CXCR1: variants seen among roughly 807,000 people sequenced by gnomAD.
The protein encoded by CXCR1 is C-X-C motif chemokine receptor 1.
For missense variants in CXCR1, 419 were observed against 440.5 expected, an observed-to-expected ratio of 0.95 and a Z score of 0.44; for synonymous variants, 180 against 184.7, an observed-to-expected ratio of 0.97 and a Z score of 0.21.
chr2:218,166,198 G>A (rs1478064744), intron 1 of CXCR1, among the ~76,000 whole-genome samples: 1 of 152,112 alleles, frequency 6.6e-6, no homozygotes, highest in African/African-American at 2.4e-5. Flanking sequence ...AGCCCTTTGG[G>A]AGGCCAAGGC....
chr2:218,164,893 T>C lies in CXCR1; in HGVS notation c.319A>G (p.Thr107Ala), dbSNP rs765253110. 6.2e-7 allele frequency: 1 copy of C among 1,614,126 alleles called. No homozygotes were observed. The highest frequency in any genetic ancestry group is 8.5e-7 in the Non-Finnish European group (1 of 1,180,058). ...ASKVNGWIFG[T>A]FLCKVVSLLK... Reference sequence around the variant, plus strand: ...AGTGAGACCACCTTGCACAGGAATGTGCCAAAAATCCAGCCATTCACCTTG... The same window carrying C: ...AGTGAGACCACCTTGCACAGGAATGCGCCAAAAATCCAGCCATTCACCTTG... Residue 107 changes from threonine (T) to alanine (A), a missense_variant, in exon 2 of 2, where the codon ACA (threonine) becomes GCA (alanine). Physicochemically the swap from Thr to Ala is moderately conservative, Grantham distance 58. Transcript: ENST00000295683.
Position 218,164,812 on chromosome 2 carries a change from C to A in CXCR1, c.400G>T (p.Asp134Tyr). 2 of 1,614,224 alleles carry A rather than the reference C, an allele frequency of 1.2e-6. No individual in the cohort carries two copies. Among genetic ancestry groups the A allele is most frequent in the South Asian group, 1.1e-5 (1 of 91,086 alleles). ...GILLLACISV[D>Y]RYLAIVHATR... ...GCATGGACAATGGCCAGGTAACGGTCCACACTGATGCAGGCCAACAGCAGG... is the reference window on the plus strand; with the variant it reads ...GCATGGACAATGGCCAGGTAACGGTACACACTGATGCAGGCCAACAGCAGG... Residue 134 changes from aspartate (D) to tyrosine (Y), a missense_variant, in exon 2 of 2, where the codon GAC (aspartate) becomes TAC (tyrosine). Physicochemically the swap from Asp to Tyr is radical, Grantham distance 160. Transcript: ENST00000295683.
Position 218,164,153 on chromosome 2 carries a change from T to C in CXCR1, c.*6A>G, listed in dbSNP as rs1014405525. 32 of 1,613,756 alleles carry C rather than the reference T, an allele frequency of 2.0e-5. No individual in the cohort carries two copies. The Admixed American group carries it at 4.0e-4, about 20-fold the overall frequency. The stretch of plus-strand genomic sequence containing the variant: ...CTGAGAAGAGATATTCCTTCATCGA[T>C]GGTTTTCAGAGGTTGGAAGAGACAT... On this transcript the variant is annotated 3_prime_UTR_variant, in exon 2 of 2. Coordinates refer to ENST00000295683, the MANE Select transcript of CXCR1 (RefSeq NM_000634.3).
chr2:218,166,041 G>A (rs1265793720), intron 1 of CXCR1, among the ~76,000 whole-genome samples: 1 of 152,084 alleles, frequency 6.6e-6, no homozygotes, highest in Non-Finnish European at 1.5e-5. Context: ...AACCCAGATG[G>A]CCCCTAAAGA....
Sources: gnomAD v4.1 joint callset for allele counts (sites outside exome capture counted in the v4.1 genomes callset) on GRCh38, gnomAD v4.1.1 for gene constraint, MANE v1.5 for transcripts, NCBI Gene and HGNC (gene_info 2026-07-23, HGNC 2026-07-21) for gene names.